PCDHA6: variants seen among roughly 807,000 people sequenced by gnomAD.
PCDHA6 encodes protocadherin alpha 6.
Under a neutral mutation model 60.3 loss-of-function variants are expected in PCDHA6, and 55 were observed. That is an observed-to-expected ratio of 0.91 (90% CI 0.73 to 1.14). The LOEUF (loss-of-function observed/expected upper bound fraction) is 1.14, where lower values mean the gene tolerates loss of function less well. Ranked by LOEUF, PCDHA6 falls within the 50% of genes most tolerant of loss-of-function variation. The pLI, the probability that PCDHA6 is intolerant of heterozygous loss-of-function variation, is 0.00. For synonymous variants in PCDHA6, 652 were observed against 557.9 expected (o/e 1.17, Z -2.38); for missense variants, 1,327 against 1,256.5 (o/e 1.06, Z -0.85).
At chr5:140,854,853 C>T (rs1441066752) in intron 1 of PCDHA6, among the ~76,000 whole-genome samples, 1 of 149,620 alleles carries the variant, frequency 6.7e-6, no homozygotes, top group East Asian at 1.9e-4. Flanking sequence ...GATAAAATTA[C>T]TAGATATATT....
intron 1 of PCDHA6, chr5:140,929,003 G>A: frequency 6.2e-7 from 1 of 1,614,106 alleles, no homozygotes; most frequent in South Asian, 1.1e-5. Flanking sequence ...TTCTTCGTGT[G>A]TACCAAGTTG....
chr5:140,928,082 T>G, intron 1 of PCDHA6: 1 of 1,614,212 alleles, frequency 6.2e-7, no homozygotes, highest in Non-Finnish European at 8.5e-7. Context: ...TACTACAGCC[T>G]GCTGATTGAT....
Position 140,846,956 on chromosome 5 carries a change from G to A in PCDHA6, c.2394+16471G>A, listed in dbSNP as rs144830979. On this transcript the variant is annotated intron_variant, in intron 1 of 3. Transcript: ENST00000529310. ...AGAAATACTTGAAGGGGCATGGTGT[G>A]TTTCAGTGGTTTTAAAATAAGTAAG... 2.7e-5 allele frequency among the ~76,000 whole-genome samples: 4 copies of A among 149,688 alleles called. No individual in the cohort carries two copies. In the East Asian group the frequency reaches 7.8e-4, roughly 29 times the overall value.
intron 1 of PCDHA6, chr5:140,967,958 C>A (rs202159883): frequency 6.2e-7 from 1 of 1,614,182 alleles, no homozygotes; most frequent in Non-Finnish European, 8.5e-7. Context: ...AGGCCCCAAC[C>A]GGAAAGTGAG....
intron 1 of PCDHA6, chr5:140,884,399 T>C (rs1554181524): frequency 6.2e-6 from 10 of 1,613,990 alleles, no homozygotes; most frequent in African/African-American, 4.0e-5. Flanking sequence ...GTCCAGCCTG[T>C]TGGTGCTCAC....
intron 1 of PCDHA6, chr5:140,843,106 C>T: frequency 1.9e-6 from 3 of 1,595,704 alleles, no homozygotes; most frequent in Non-Finnish European, 2.6e-6. Context: ...CGAAGGTGCG[C>T]GCAGTGGACG....
intron 1 of PCDHA6, chr5:140,966,627 C>G: frequency 6.3e-6 from 6 of 951,596 alleles, no homozygotes; most frequent in Non-Finnish European, 8.6e-6. Flanking sequence ...AGGGAGCGGC[C>G]CCAGGCGCTT....
chr5:140,870,626 C>G lies in PCDHA6; in HGVS notation c.2394+40141C>G, dbSNP rs782773688. Reference sequence around the variant, plus strand: ...GACCGCGCGCTGTCGAGCTACGTGTCGGTGCACGCGGAGAGCGGCAAGGTG... The same window carrying G: ...GACCGCGCGCTGTCGAGCTACGTGTGGGTGCACGCGGAGAGCGGCAAGGTG... On this transcript the variant is annotated intron_variant, in intron 1 of 3. Coordinates refer to ENST00000529310, the MANE Select transcript of PCDHA6 (RefSeq NM_018909.4). 15 of 1,613,016 alleles carry G rather than the reference C, an allele frequency of 9.3e-6. No individual in the cohort carries two copies. The highest frequency in any genetic ancestry group is 1.1e-5 in the Non-Finnish European group (13 of 1,179,794).
At chr5:141,005,436 G>T (rs1554260042) in intron 3 of PCDHA6, among the ~76,000 whole-genome samples, 2 of 152,080 alleles carry the variant, frequency 1.3e-5, no homozygotes, top group East Asian at 1.9e-4. Flanking sequence ...TGGATGAGAG[G>T]CTCACGCCTG....
At chr5:140,838,766 T>C (rs2150292312) in intron 1 of PCDHA6, among the ~76,000 whole-genome samples, 4 of 151,986 alleles carry the variant, frequency 2.6e-5, no homozygotes, top group Non-Finnish European at 4.4e-5. Context: ...GTAGAGACTT[T>C]GTAAAATTAG....
At chr5:140,858,465 T>G in intron 1 of PCDHA6, 1 of 1,522,706 alleles carries the variant, frequency 6.6e-7, no homozygotes, top group African/African-American at 1.4e-5. Flanking sequence ...ATTTTCCTTT[T>G]GTGCTTTATG....
chr5:140,858,565 T>C (rs782424378), intron 1 of PCDHA6: 1 of 1,375,216 alleles, frequency 7.3e-7, no homozygotes, highest in South Asian at 1.3e-5. Flanking sequence ...ATATTTCTAG[T>C]GATACCTTTG....
chr5:141,009,103 C>G (rs1440460108), intron 3 of PCDHA6, among the ~76,000 whole-genome samples: 1 of 152,170 alleles, frequency 6.6e-6, no homozygotes, highest in African/African-American at 2.4e-5. Flanking sequence ...ACATATGTTA[C>G]TATGAAACTA....
chr5:140,934,515 C>A (rs1163045974), intron 1 of PCDHA6, among the ~76,000 whole-genome samples: 1 of 152,214 alleles, frequency 6.6e-6, no homozygotes, highest in Admixed American at 6.5e-5. Context: ...GGTCCATAGA[C>A]CACACTTCGA....
At chr5:140,883,291 A>T (rs1554177505) in intron 1 of PCDHA6, 1 of 1,614,118 alleles carries the variant, frequency 6.2e-7, no homozygotes, top group South Asian at 1.1e-5. Flanking sequence ...TGGAAGTACT[A>T]GATGTAAATG....
chr5:140,956,706 G>A (rs1166051458), intron 1 of PCDHA6, among the ~76,000 whole-genome samples: 2 of 152,172 alleles, frequency 1.3e-5, no homozygotes, highest in African/African-American at 4.8e-5. Flanking sequence ...GTTTGGAATA[G>A]CTTCAGAAGA....
intron 1 of PCDHA6, among the ~76,000 whole-genome samples, chr5:140,920,671 C>T (rs1218067284): frequency 2.0e-5 from 3 of 151,960 alleles, no homozygotes; most frequent in African/African-American, 7.3e-5. Flanking sequence ...TGGTGAAACC[C>T]CATCTCTACT....
At chr5:140,956,132 C>A (rs782171826) in intron 1 of PCDHA6, among the ~76,000 whole-genome samples, 1 of 152,028 alleles carries the variant, frequency 6.6e-6, no homozygotes, top group African/African-American at 2.4e-5. Context: ...ATTTGAATAC[C>A]CTTTATTTCT....
chr5:140,843,577 A>G, intron 1 of PCDHA6: 1 of 1,595,954 alleles, frequency 6.3e-7, no homozygotes, highest in East Asian at 2.2e-5. Context: ...CATACTCGCA[A>G]CAACAGCCGC....
Sources: gnomAD v4.1 joint callset for allele counts (sites outside exome capture counted in the v4.1 genomes callset) on GRCh38, gnomAD v4.1.1 for gene constraint, MANE v1.5 for transcripts, NCBI Gene and HGNC (gene_info 2026-07-23, HGNC 2026-07-21) for gene names.